The following KLHL13 variants were observed in gnomAD, a reference collection of about 807,000 sequenced individuals.
The protein encoded by KLHL13 is kelch like family member 13.
KLHL13 carries 10 observed loss-of-function variants against 37.1 expected under a neutral mutation model. That is an observed-to-expected ratio of 0.27 (90% CI 0.17 to 0.46). The LOEUF (loss-of-function observed/expected upper bound fraction) is 0.46. KLHL13 is among the 20% of genes least tolerant of loss of function. The probability of loss-of-function intolerance (pLI) is 1.00; values close to 1 mark genes in which losing one functional copy is unlikely to be tolerated. For synonymous variants in KLHL13, 163 were observed against 181.2 expected, an observed-to-expected ratio of 0.90 and a Z score of 0.81; for missense variants, 360 against 509.3, an observed-to-expected ratio of 0.71 and a Z score of 2.82.
intron 1 of KLHL13, chrX:117,983,595 T>C (rs2053690051): frequency 1.1e-6 from 1 of 886,932 alleles, no homozygotes; most frequent in African/African-American, 2.0e-5. Context: ...TTTTATTATA[T>C]TTAGTTCAAA....
intron 1 of KLHL13, among the ~76,000 whole-genome samples, chrX:118,004,179 G>A (rs2053955804): frequency 9.0e-6 from 1 of 111,639 alleles, no homozygotes; most frequent in African/African-American, 3.3e-5. Flanking sequence ...GAACTCTATG[G>A]TATTGGATTA....
intron 1 of KLHL13, among the ~76,000 whole-genome samples, chrX:117,967,958 C>G (rs769710898): frequency 9.0e-6 from 1 of 111,134 alleles, no homozygotes; most frequent in African/African-American, 3.3e-5. Context: ...ATAATATAAT[C>G]TCAGGCCCTT....
chrX:118,089,797 G>C (rs1420902819), intron 1 of KLHL13, among the ~76,000 whole-genome samples: 1 of 110,465 alleles, frequency 9.1e-6, no homozygotes, highest in Admixed American at 9.7e-5. Flanking sequence ...GTATCAATAG[G>C]GCTGGGTGTG....
At chrX:118,105,068 T>C (rs1687899950) in intron 1 of KLHL13, among the ~76,000 whole-genome samples, 1 of 112,338 alleles carries the variant, frequency 8.9e-6, no homozygotes, top group African/African-American at 3.2e-5. Flanking sequence ...CACACACATA[T>C]ACCAACACAC....
rs1416835205 is a variant in KLHL13, at chrX:118,033,703, T to G, written c.-56+82805A>C. On this transcript the variant is annotated intron_variant, in intron 1 of 6. Transcript: ENST00000371882. ...TCAACTAACGAGCAAAATCACCAGC[T>G]AACATCATAATGACAGGATCAAATT... is the stretch of plus-strand genomic sequence containing the variant. 1.5e-3 allele frequency among the ~76,000 whole-genome samples: 161 copies of G among 108,117 alleles called. 2 individuals carry two copies. Among genetic ancestry groups the G allele is most frequent in the Non-Finnish European group, 1.8e-3 (96 of 52,209 alleles). 93.9% of individuals were successfully genotyped at this position (108,117 alleles called of 115,157 possible).
At chrX:118,017,357 C>A (rs910709738) in intron 1 of KLHL13, among the ~76,000 whole-genome samples, 17 of 111,465 alleles carry the variant, frequency 1.5e-4, no homozygotes, top group Non-Finnish European at 3.0e-4. Flanking sequence ...GTGAGATTAA[C>A]ATTGGATGTT....
At chrX:117,974,579 A>T, upstream of KLHL13, among the ~76,000 whole-genome samples, 1 of 112,205 alleles carries the variant, frequency 8.9e-6, no homozygotes. Context: ...CCAAAATACC[A>T]AATTTAGTAT....
At chrX:118,071,018 C>G (rs1361113034) in intron 1 of KLHL13, among the ~76,000 whole-genome samples, 9 of 106,430 alleles carry the variant, frequency 8.5e-5, no homozygotes, top group Admixed American at 8.4e-4. Context: ...TTGGTTTTTT[C>G]TTCTTGCGAT....
intron 2 of KLHL13, among the ~76,000 whole-genome samples, chrX:117,924,467 TAA>T (rs1931898799): frequency 8.9e-6 from 1 of 112,354 alleles, no homozygotes; most frequent in African/African-American, 3.2e-5. Context: ...ACACTCGAAA[TAA>T]GTCCTTTTAC....
chrX:117,966,038 T>C (rs1277893000), intron 1 of KLHL13, among the ~76,000 whole-genome samples: 10 of 111,596 alleles, frequency 9.0e-5, no homozygotes, highest in Non-Finnish European at 1.3e-4. Context: ...CAACATAGTG[T>C]TGGAAGTTCT....
chrX:117,948,626 T>C (rs1044849383), intron 1 of KLHL13, among the ~76,000 whole-genome samples: 7 of 111,388 alleles, frequency 6.3e-5, no homozygotes, highest in Admixed American at 4.8e-4. Flanking sequence ...AGAGACTATA[T>C]TAACGAATTT....
At chrX:118,094,726 G>A (rs1300755608) in intron 1 of KLHL13, among the ~76,000 whole-genome samples, 2 of 111,747 alleles carry the variant, frequency 1.8e-5, no homozygotes, top group Non-Finnish European at 3.8e-5. Flanking sequence ...AGAGAGTGGG[G>A]GCCAATATTC....
At chrX:117,946,239 C>T (rs1238197645) in intron 1 of KLHL13, 1 of 112,181 alleles carries the variant, frequency 8.9e-6, no homozygotes, top group Non-Finnish European at 1.9e-5. Flanking sequence ...GTATCTCTCA[C>T]TTACCAGTTT....
intron 1 of KLHL13, among the ~76,000 whole-genome samples, chrX:117,961,522 T>C (rs1332697603): frequency 9.0e-6 from 1 of 111,688 alleles, no homozygotes; most frequent in Non-Finnish European, 1.9e-5. Context: ...AAAGGAGACT[T>C]TGAAAATGTG....
chrX:117,961,875 C>A lies in KLHL13; in HGVS notation c.98+10856G>T, dbSNP rs955589221. 2.7e-5 allele frequency among the ~76,000 whole-genome samples: 3 copies of A among 110,127 alleles called. No homozygotes were observed. The South Asian group carries it at 1.2e-3, about 44-fold the overall frequency. On this transcript the variant is annotated intron_variant, in intron 1 of 6. Coordinates refer to ENST00000262820, the Ensembl canonical transcript of KLHL13. ...CTTGCTGACATTTTTATTTTAGCCC[C>A]GTGAGACCAGTACCAAATTTCTGAT...
chrX:118,075,123 C>T (rs1208870861), intron 1 of KLHL13, among the ~76,000 whole-genome samples: 3 of 111,203 alleles, frequency 2.7e-5, no homozygotes, highest in Non-Finnish European at 5.7e-5. Context: ...TGTTAGACAA[C>T]ATATATGGGT....
At position 118,028,512 on chromosome X, in the gene KLHL13, A is replaced by T; in HGVS notation, c.-55-82937T>A. On this transcript the variant is annotated intron_variant, in intron 1 of 6. Transcript: ENST00000371882. ...TGGATAATGACCTGTTCAGGAGGAAAAGAAGCCAATATTTACTATGAAGAT... is the reference window on the plus strand; with the variant it reads ...TGGATAATGACCTGTTCAGGAGGAATAGAAGCCAATATTTACTATGAAGAT... The T allele has an allele frequency of 1.2e-6, 1 of 813,639 alleles. No homozygotes were observed. Among genetic ancestry groups the T allele is most frequent in the African/African-American group, 2.0e-5 (1 of 49,803 alleles). The allele number at this position is 813,639 out of a possible 1,213,427, so 67.1% of individuals were successfully genotyped here.
intron 1 of KLHL13, among the ~76,000 whole-genome samples, chrX:118,018,007 T>C (rs769223002): frequency 4.5e-5 from 5 of 111,586 alleles, no homozygotes; most frequent in Admixed American, 2.9e-4. Flanking sequence ...TCCTAGACAT[T>C]ACCATAATGC....
chrX:117,996,576 A>T (rs1192655664), intron 1 of KLHL13, among the ~76,000 whole-genome samples: 1 of 111,544 alleles, frequency 9.0e-6, no homozygotes, highest in African/African-American at 3.3e-5. Flanking sequence ...GCAGCAATAC[A>T]TTCTTGGGCA....
Sources: gnomAD v4.1 joint callset for allele counts (sites outside exome capture counted in the v4.1 genomes callset) on GRCh38, gnomAD v4.1.1 for gene constraint, MANE v1.5 for transcripts, NCBI Gene and HGNC (gene_info 2026-07-23, HGNC 2026-07-21) for gene names.